The following TRIP13 variants were observed in gnomAD, a reference collection of about 807,000 sequenced individuals.
TRIP13 encodes the protein pachytene checkpoint protein 2 homolog.
Under a neutral mutation model 54.4 loss-of-function variants are expected in TRIP13, and 25 were observed. The observed-to-expected ratio is 0.46, with a 90% CI of 0.33 to 0.64. The LOEUF is 0.64. Ranked by LOEUF, TRIP13 falls within the 30% of genes least tolerant of loss-of-function variation. TRIP13 has a pLI of 0.02. For synonymous variants in TRIP13, 207 were observed against 207.8 expected, an observed-to-expected ratio of 1.00 and a Z score of 0.03; for missense variants, 373 against 534.2, an observed-to-expected ratio of 0.70 and a Z score of 2.97.
chr5:905,573 C>T (rs1754098448), intron 6 of TRIP13, among the ~76,000 whole-genome samples: 1 of 151,910 alleles, frequency 6.6e-6, no homozygotes, highest in South Asian at 2.1e-4. Flanking sequence ...TGGAAGATGC[C>T]TCCCGGCAAG....
At chr5:916,449 A>G (rs1469881657) in intron 12 of TRIP13, among the ~76,000 whole-genome samples, 3 of 152,222 alleles carry the variant, frequency 2.0e-5, no homozygotes, top group Non-Finnish European at 2.9e-5. Context: ...GAGCAGATAC[A>G]CTTACATCTG....
intron 2 of TRIP13, among the ~76,000 whole-genome samples, chr5:895,449 G>A (rs1753893806): frequency 6.6e-6 from 1 of 152,088 alleles, no homozygotes. Context: ...GGGCGATTCT[G>A]GCACCAGTAT....
Position 908,039 on chromosome 5 carries a change from G to T in TRIP13, c.724G>T (p.Asp242Tyr). 4 of 1,614,228 alleles carry T rather than the reference G, an allele frequency of 2.5e-6. No individual in the cohort carries two copies. Among genetic ancestry groups the T allele is most frequent in the Non-Finnish European group, 3.4e-6 (4 of 1,180,044 alleles). The change falls in exon 8 of 13, where the codon GAT (aspartate) becomes TAT (tyrosine). Residue 242 changes from aspartate to tyrosine, a missense_variant. This residue lies in a region of TRIP13 where 119 missense variants were observed against 223.0 expected (regional missense o/e 0.53). Transcript: ENST00000166345. This position sits in a 1 kb window ranked among gnomAD's most constrained non-coding sequence, Gnocchi z 5.2. Reference protein sequence around the residue: ...MFQKIQDLIDDKDALVFVLID... With the variant: ...MFQKIQDLIDYKDALVFVLID... ...TCAGAAGATTCAGGATTTGATTGATGATAAAGACGCCCTGGTGTTCGTGCT... is the reference window on the plus strand; with the variant it reads ...TCAGAAGATTCAGGATTTGATTGATTATAAAGACGCCCTGGTGTTCGTGCT...
chr5:919,068 G>C (rs1754383962), downstream of TRIP13: 1 of 152,230 alleles, frequency 6.6e-6, no homozygotes, highest in African/African-American at 2.4e-5. Flanking sequence ...TGCTGCCGAA[G>C]AAAAGAAAAA....
intron 2 of TRIP13, among the ~76,000 whole-genome samples, chr5:895,287 T>C (rs78374449): frequency 0.021 from 3,237 of 152,292 alleles, 72 homozygotes; most frequent in Non-Finnish European, 0.028. Context: ...CAGTGTGTGC[T>C]AGGACCATAG....
chr5:896,469 G>A (rs1753917237), intron 2 of TRIP13, among the ~76,000 whole-genome samples, 196 bp from the exon 3 acceptor site: 1 of 152,206 alleles, frequency 6.6e-6, no homozygotes, highest in Non-Finnish European at 1.5e-5. Context: ...CAAAGAGCAA[G>A]GGATGGGTAT....
At chr5:916,789 G>T (rs956686411) in intron 12 of TRIP13, among the ~76,000 whole-genome samples, 3 of 149,202 alleles carry the variant, frequency 2.0e-5, no homozygotes, top group African/African-American at 2.6e-5. Context: ...GACATGGCGG[G>T]GGCGGGGGTC....
chr5:911,827 T>C lies in TRIP13; in HGVS notation c.867-16T>C. 1.2e-6 allele frequency: 2 copies of C among 1,604,180 alleles called. No individual in the cohort carries two copies. The highest frequency in any genetic ancestry group is 1.7e-6 in the Non-Finnish European group (2 of 1,175,608). On this transcript the variant is annotated splice_polypyrimidine_tract_variant and intron_variant, in intron 9 of 12. Transcript: ENST00000166345. The surrounding 1 kb of genome is among the most constrained non-coding windows in gnomAD (Gnocchi z 4.7). ...CAGCCGTGATGACTGTGGTGCTTGC[T>C]TCTCGGCCACAACAGGCATTCCAAT...
Position 915,270 on chromosome 5 carries a change from A to C in TRIP13, c.1134-634A>C, listed in dbSNP as rs1183715909. 6.6e-6 allele frequency among the ~76,000 whole-genome samples: 1 copy of C among 152,266 alleles called. No individual in the cohort carries two copies. Among genetic ancestry groups the C allele is most frequent in the Non-Finnish European group, 1.5e-5 (1 of 68,054 alleles). ...CTACAAAAATTGAAGATGTGAACCC[A>C]CCCATTATTTGGGGACTCTGTGCCT... On this transcript the variant is annotated intron_variant, in intron 11 of 12. Transcript: ENST00000166345. This position sits in a 1 kb window ranked among gnomAD's most constrained non-coding sequence, Gnocchi z 4.2.
chr5:900,374 C>T, intron 3 of TRIP13, 120 bp from the exon 4 acceptor site: 1 of 947,008 alleles, frequency 1.1e-6, no homozygotes, highest in Non-Finnish European at 1.6e-6. Context: ...TAATCAGAAT[C>T]ATAGTCTTGC....
In TRIP13 at chr5:907,281, C is replaced by CTGG; in HGVS notation, c.672+88_672+89insTGG. The stretch of plus-strand genomic sequence containing the variant: ...TAGGCAAATCCTCCTCCAGAAGCTT[C>CTGG]AGGAGAGAACTGGGTGGGAAGGGTG... On this transcript the variant is annotated intron_variant, in intron 7 of 12. Coordinates refer to ENST00000166345, the MANE Select transcript of TRIP13 (RefSeq NM_004237.4). The surrounding 1 kb of genome is among the most constrained non-coding windows in gnomAD (Gnocchi z 4.1). 3 of 1,171,882 alleles carry CTGG rather than the reference C, an allele frequency of 2.6e-6. No individual in the cohort carries two copies. Among genetic ancestry groups the CTGG allele is most frequent in the Non-Finnish European group, 3.8e-6 (3 of 798,684 alleles). The allele number at this position is 1,171,882 out of a possible 1,614,324, so 72.6% of individuals were successfully genotyped here. A position where few individuals can be genotyped will look rare whatever the true frequency, so the allele number is the denominator to read the frequency against.
rs1277505211 is a variant in TRIP13 at position 907,607 on chromosome 5, T to A, written c.673-381T>A. Among the ~76,000 whole-genome samples the A allele has an allele frequency of 6.6e-6, 1 of 152,194 alleles. No homozygotes were observed. Among genetic ancestry groups the A allele is most frequent in the Non-Finnish European group, 1.5e-5 (1 of 68,026 alleles). On this transcript the variant is annotated intron_variant, in intron 7 of 12. Coordinates refer to ENST00000166345, the MANE Select transcript of TRIP13 (RefSeq NM_004237.4). The surrounding 1 kb of genome is among the most constrained non-coding windows in gnomAD (Gnocchi z 4.1). ...CGCACATCCCTCTGGTGAGGTGAGG[T>A]GGGACCAGGCACGCTGGGCACAGGA...
At chr5:895,035 C>T in intron 2 of TRIP13, 83 bp downstream of exon 2, 3 of 1,434,726 alleles carry the variant, frequency 2.1e-6, no homozygotes, top group Middle Eastern at 2.3e-4. Flanking sequence ...TTTTCATAGC[C>T]TGTTGTCAGA....
chr5:895,572 G>A (rs144638384), intron 2 of TRIP13, among the ~76,000 whole-genome samples: 188 of 152,302 alleles, frequency 1.2e-3, no homozygotes, highest in Non-Finnish European at 2.4e-3. Flanking sequence ...TGCTCGTGAG[G>A]TGGACCTCCC....
chr5:912,023 A>C lies in TRIP13; in HGVS notation c.1020+27A>C. 1.3e-6 allele frequency: 2 copies of C among 1,594,464 alleles called. No individual in the cohort carries two copies. Among genetic ancestry groups the C allele is most frequent in the Non-Finnish European group, 1.7e-6 (2 of 1,173,522 alleles). On this transcript the variant is annotated intron_variant, in intron 10 of 12. Transcript: ENST00000166345. The surrounding 1 kb of genome is among the most constrained non-coding windows in gnomAD (Gnocchi z 7.2). Reference sequence around the variant, plus strand: ...TACCTTTATTTTTTTTTTCCTCTTGATACAAATGGATTTCTTATATGTTCT... The same window carrying C: ...TACCTTTATTTTTTTTTTCCTCTTGCTACAAATGGATTTCTTATATGTTCT...
At chr5:904,018 A>T (rs1412082380) in intron 5 of TRIP13, 130 bp from the exon 6 acceptor site, 2 of 750,148 alleles carry the variant, frequency 2.7e-6, no homozygotes, top group Non-Finnish European at 4.2e-6. Flanking sequence ...AGCAGACTTC[A>T]TTGTAGTAAT....
At position 908,846 on chromosome 5, in the gene TRIP13, T is replaced by TA. The variant is rs554238943; in HGVS notation, c.866+386dup. On this transcript the variant is annotated intron_variant, in intron 9 of 12. Transcript: ENST00000166345. The surrounding 1 kb of genome is among the most constrained non-coding windows in gnomAD (Gnocchi z 5.2). ...GATGGCGGGCGCCTGTAGTCCCAGC[T>TA]ACTCTGGAGGCTGAGGCAGGAGAAT... is the stretch of plus-strand genomic sequence containing the variant. 741 of 240,662 alleles carry TA rather than the reference T, an allele frequency of 3.1e-3. 5 individuals are homozygous for TA. Among genetic ancestry groups the TA allele is most frequent in the African/African-American group, 0.016 (712 of 44,144 alleles). The allele number at this position is 240,662 out of a possible 1,614,324, so 14.9% of individuals were successfully genotyped here. A position where few individuals can be genotyped will look rare whatever the true frequency, so the allele number is the denominator to read the frequency against.
intron 6 of TRIP13, among the ~76,000 whole-genome samples, chr5:905,332 A>G (rs56850697): frequency 0.047 from 7,161 of 152,192 alleles, 525 homozygotes; most frequent in African/African-American, 0.16. Context: ...CGCCCTTTAC[A>G]TAGCTGCAGG....
Position 907,079 on chromosome 5 carries a change from G to A in TRIP13, c.609-51G>A. 12 of 1,532,222 alleles carry A rather than the reference G, an allele frequency of 7.8e-6. No homozygotes were observed. Among genetic ancestry groups the A allele is most frequent in the South Asian group, 2.3e-5 (2 of 88,782 alleles). 94.9% of individuals were successfully genotyped at this position (1,532,222 alleles called of 1,614,324 possible). A position where few individuals can be genotyped will look rare whatever the true frequency, so the allele number is the denominator to read the frequency against. ...AGGACGCGTGAATGGCTGCCGCTGA[G>A]GATCCACAGGACCAGTTAGTAATTC... On this transcript the variant is annotated intron_variant, in intron 6 of 12. Coordinates refer to ENST00000166345, the MANE Select transcript of TRIP13 (RefSeq NM_004237.4). The surrounding 1 kb of genome is among the most constrained non-coding windows in gnomAD (Gnocchi z 4.1).
Sources: allele counts gnomAD v4.1 joint callset (sites outside exome capture counted in the v4.1 genomes callset), GRCh38; gene constraint gnomAD v4.1.1; regional missense constraint gnomAD v4.1.1; non-coding constraint Gnocchi (gnomAD v3.1); transcripts MANE v1.5; gene names NCBI Gene and HGNC (gene_info 2026-07-23, HGNC 2026-07-21).